Variants in GULP1 observed in about 807,000 individuals in gnomAD.
GULP1 encodes the protein PTB domain-containing engulfment adapter protein 1.
In GULP1, 19 loss-of-function variants were observed where a neutral mutation model predicts 40.9. The ratio of observed to expected loss-of-function variants is 0.46; its 90% confidence interval spans 0.32 to 0.68. The LOEUF is 0.68. Among genes scored for constraint, GULP1 ranks in the 30% least tolerant of loss-of-function variants. The probability of loss-of-function intolerance (pLI) is 0.03; values close to 1 mark genes in which losing one functional copy is unlikely to be tolerated. For missense variants in GULP1, 312 were observed against 362.2 expected, an observed-to-expected ratio of 0.86 and a Z score of 1.12; for synonymous variants, 119 against 117.6, an observed-to-expected ratio of 1.01 and a Z score of -0.08.
intron 1 of GULP1, among the ~76,000 whole-genome samples, chr2:188,317,792 T>TG (rs1396045639): frequency 2.1e-5 from 3 of 140,292 alleles, no homozygotes; most frequent in East Asian, 2.1e-4. Context: ...AGTGAATTAG[T>TG]GAGGTTTTTT....
At chr2:188,586,888 T>A (rs1310797345) in intron 10 of GULP1, among the ~76,000 whole-genome samples, 1 of 151,900 alleles carries the variant, frequency 6.6e-6, no homozygotes, top group Non-Finnish European at 1.5e-5. Context: ...TTTAATTTTT[T>A]AATTTTTTTA....
At chr2:188,397,264 A>T (rs1329341898) in intron 2 of GULP1, among the ~76,000 whole-genome samples, 1 of 152,228 alleles carries the variant, frequency 6.6e-6, no homozygotes, top group Non-Finnish European at 1.5e-5. Flanking sequence ...TTAATACATA[A>T]CTATGAGTAG....
At chr2:188,376,626 A>C (rs1339835736) in intron 1 of GULP1, among the ~76,000 whole-genome samples, 2 of 152,378 alleles carry the variant, frequency 1.3e-5, no homozygotes, top group Admixed American at 1.3e-4. Context: ...AGCATTCAAT[A>C]AACATATAAA....
intron 1 of GULP1, among the ~76,000 whole-genome samples, chr2:188,347,705 C>A (rs894089622): frequency 2.0e-5 from 3 of 150,990 alleles, no homozygotes; most frequent in African/African-American, 7.3e-5. Context: ...CCTTAACTTC[C>A]CAGGCTCAAG....
chr2:188,559,638 A>G (rs1210880061), intron 7 of GULP1, among the ~76,000 whole-genome samples: 2 of 152,192 alleles, frequency 1.3e-5, no homozygotes, highest in Non-Finnish European at 1.5e-5. Flanking sequence ...TTTTGGGTTA[A>G]TGCTTAACTG....
intron 9 of GULP1, among the ~76,000 whole-genome samples, chr2:188,570,960 C>G (rs1315597421): frequency 6.6e-6 from 1 of 152,050 alleles, no homozygotes; most frequent in African/African-American, 2.4e-5. Flanking sequence ...GGGTTCAAGA[C>G]CAGTCTGGCA....
intron 1 of GULP1, among the ~76,000 whole-genome samples, chr2:188,358,645 A>C (rs919817843): frequency 2.6e-5 from 4 of 151,990 alleles, no homozygotes; most frequent in African/African-American, 9.7e-5. Context: ...ACAATTAAAA[A>C]CTCTGATAAG....
At chr2:188,475,267 G>A (rs2060917230) in intron 2 of GULP1, among the ~76,000 whole-genome samples, 2 of 152,036 alleles carry the variant, frequency 1.3e-5, no homozygotes, top group East Asian at 1.9e-4. Context: ...GATATATATC[G>A]ACATTTATAT....
intron 9 of GULP1, among the ~76,000 whole-genome samples, chr2:188,572,081 A>T (rs1484501622): frequency 6.6e-6 from 1 of 152,190 alleles, no homozygotes; most frequent in Non-Finnish European, 1.5e-5. Flanking sequence ...CAGGATTATT[A>T]ATGTGCATTG....
intron 2 of GULP1, among the ~76,000 whole-genome samples, chr2:188,440,550 G>A (rs79490821): frequency 0.076 from 11,587 of 152,136 alleles, 610 homozygotes; most frequent in Non-Finnish European, 0.1. Flanking sequence ...ATTAACTGTA[G>A]TTTTCACTAG....
chr2:188,457,472 A>G (rs1387130324), intron 2 of GULP1, among the ~76,000 whole-genome samples: 1 of 152,134 alleles, frequency 6.6e-6, no homozygotes, highest in African/African-American at 2.4e-5. Flanking sequence ...TCCACGTAGG[A>G]TGTGACTTGC....
chr2:188,350,196 T>C (rs571367732), intron 1 of GULP1, among the ~76,000 whole-genome samples: 1 of 152,242 alleles, frequency 6.6e-6, no homozygotes, highest in Admixed American at 6.5e-5. Context: ...CTTGTATTTC[T>C]ATATGAATTT....
At chr2:188,363,979 C>T (rs533393204) in intron 1 of GULP1, among the ~76,000 whole-genome samples, 1 of 152,242 alleles carries the variant, frequency 6.6e-6, no homozygotes, top group South Asian at 2.1e-4. Flanking sequence ...TCTAACATTG[C>T]AGCTTTTTAA....
At chr2:188,383,610 T>C (rs1018692567) in intron 1 of GULP1, among the ~76,000 whole-genome samples, 153 bp from the exon 2 acceptor site, 11 of 152,370 alleles carry the variant, frequency 7.2e-5, no homozygotes, top group Admixed American at 4.6e-4. Context: ...TATTTACATA[T>C]TTTATCATTA....
intron 11 of GULP1, chr2:188,589,344 C>T (rs1311907013): frequency 6.5e-6 from 1 of 154,444 alleles, no homozygotes; most frequent in African/African-American, 2.4e-5. Flanking sequence ...TCAAATGGCG[C>T]ATGATAATTT....
intron 3 of GULP1, among the ~76,000 whole-genome samples, chr2:188,478,375 A>G (rs1045933229): frequency 2.6e-5 from 4 of 152,136 alleles, no homozygotes; most frequent in Non-Finnish European, 5.9e-5. Flanking sequence ...AAAAATAAAT[A>G]TAACTTTGCG....
chr2:188,319,373 A>T (rs2039624714), intron 1 of GULP1, among the ~76,000 whole-genome samples: 1 of 152,144 alleles, frequency 6.6e-6, no homozygotes. Context: ...ATTCCAGTAC[A>T]AAATTTTGAC....
At chr2:188,470,484 T>C (rs1432930376) in intron 2 of GULP1, among the ~76,000 whole-genome samples, 3 of 152,140 alleles carry the variant, frequency 2.0e-5, no homozygotes, top group East Asian at 3.9e-4. Context: ...GTTTTCCTAA[T>C]TTTTAAGATG....
chr2:188,328,728 T>C (rs1050705251), intron 1 of GULP1, among the ~76,000 whole-genome samples: 5 of 152,146 alleles, frequency 3.3e-5, no homozygotes, highest in Admixed American at 1.3e-4. Context: ...AATCAAGGAA[T>C]TGCAGATTCA....
Sources: allele counts gnomAD v4.1 joint callset (sites outside exome capture counted in the v4.1 genomes callset), GRCh38; gene constraint gnomAD v4.1.1; transcripts MANE v1.5; gene names NCBI Gene and HGNC (gene_info 2026-07-23, HGNC 2026-07-21).